Variants in BPTF observed in about 807,000 individuals in gnomAD.
The protein encoded by BPTF is bromodomain PHD finger transcription factor, also known as nucleosome-remodeling factor subunit BPTF.
Under a neutral mutation model 292.5 loss-of-function variants are expected in BPTF, and 18 were observed. That is an observed-to-expected ratio of 0.06 (90% CI 0.04 to 0.09). BPTF has a LOEUF of 0.09. BPTF is among the 10% of genes least tolerant of loss of function. BPTF has a pLI of 1.00. For synonymous variants in BPTF, 1,225 were observed against 1,251.9 expected (o/e 0.98, Z 0.45); for missense variants, 2,726 against 3,498.7 (o/e 0.78, Z 5.57).
Position 67,982,975 on chromosome 17 carries a change from T to TG in BPTF, c.*688dup, listed in dbSNP as rs2070581111. ...AGTGGTCCTGGACTACAGACTCTGT[T>TG]GCCTTGAATATAACAGTACAATTTG... On this transcript the variant is annotated 3_prime_UTR_variant, in exon 28 of 28. Transcript: ENST00000306378. 6.6e-6 allele frequency: 1 copy of TG among 152,288 alleles called. No homozygotes were observed. Among genetic ancestry groups the TG allele is most frequent in the Admixed American group, 6.5e-5 (1 of 15,276 alleles). 9.4% of individuals were successfully genotyped at this position (152,288 alleles called of 1,614,324 possible).
intron 19 of BPTF, 72 bp downstream of exon 19, chr17:67,940,728 A>G: frequency 6.8e-7 from 1 of 1,474,478 alleles, no homozygotes; most frequent in Non-Finnish European, 9.3e-7. Flanking sequence ...TAAAAACATG[A>G]ACTTATTTTG....
intron 21 of BPTF, 150 bp downstream of exon 21, chr17:67,946,475 TACTG>T: frequency 8.4e-7 from 1 of 1,193,316 alleles, no homozygotes; most frequent in Non-Finnish European, 1.1e-6. Context: ...CCAAAAAAAA[TACTG>T]AATGACTACT....
chr17:67,857,782 CTT>C (rs35999365), intron 2 of BPTF, among the ~76,000 whole-genome samples: 3,682 of 103,368 alleles, frequency 0.036, 126 homozygotes, highest in African/African-American at 0.13. Flanking sequence ...ATATTTCTTT[CTT>C]TTTTTTTTTT....
chr17:67,979,334 G>C (rs531677359), intron 27 of BPTF, among the ~76,000 whole-genome samples: 1 of 152,094 alleles, frequency 6.6e-6, no homozygotes, highest in Middle Eastern at 3.4e-3. Context: ...GATCATCTGA[G>C]ATCAGGAGTC....
chr17:67,875,132 A>G, intron 4 of BPTF, 112 bp downstream of exon 4: 2 of 889,216 alleles, frequency 2.2e-6, no homozygotes, highest in Non-Finnish European at 3.4e-6. Context: ...CTAATTTAAT[A>G]TTTCTAAAGA....
Position 67,971,842 on chromosome 17 carries a change from AAAG to A in BPTF, c.8540-3928_8540-3926del, listed in dbSNP as rs199776734. Among the ~76,000 whole-genome samples the A allele has an allele frequency of 3.1e-3, 476 of 151,958 alleles. 1 individual carries two copies. Among genetic ancestry groups the A allele is most frequent in the African/African-American group, 0.011 (447 of 41,412 alleles). On this transcript the variant is annotated intron_variant, in intron 26 of 27. Transcript: ENST00000306378. ...GACTCCATCTCAAAAAAAAAAAAAA[AAAG>A]AGAAGAAAAAAATTACACGTTAGCA... is the stretch of plus-strand genomic sequence containing the variant.
chr17:67,887,444 ATCTTTT>A (rs1361242588), intron 4 of BPTF, among the ~76,000 whole-genome samples: 10 of 152,228 alleles, frequency 6.6e-5, no homozygotes, highest in Admixed American at 3.9e-4. Context: ...AAATTTATCA[ATCTTTT>A]TCTTTAGAGT....
At chr17:67,969,652 C>T (rs2148496620) in intron 26 of BPTF, among the ~76,000 whole-genome samples, 1 of 151,922 alleles carries the variant, frequency 6.6e-6, no homozygotes, top group South Asian at 2.1e-4. Flanking sequence ...TTCTTGAAGA[C>T]CTGGTTTTCC....
Position 67,920,028 on chromosome 17 carries a change from T to C in BPTF, c.5442T>C (p.Thr1814=). 2 of 1,610,378 alleles carry C rather than the reference T, an allele frequency of 1.2e-6. No individual in the cohort carries two copies. The highest frequency in any genetic ancestry group is 1.7e-6 in the Non-Finnish European group (2 of 1,178,106). ...GGTTRTETSE[T]EITTTEIIKR... ...AAATCACCATAGAAACATCCGAAAC[T>C]GAAATCACAACAACAGAAATAATTA... The change falls in exon 13 of 28, where the codon ACT becomes ACC. Residue 1814 remains threonine, a synonymous_variant. Transcript: ENST00000306378.
At chr17:67,908,491 C>CTTTTTTTT (rs34537462) in intron 9 of BPTF, among the ~76,000 whole-genome samples, 1 of 97,580 alleles carries the variant, frequency 1.0e-5, no homozygotes, top group Non-Finnish European at 2.2e-5. Context: ...TCACTGACCA[C>CTTTTTTTT]TTTTTTTTTT....
intron 20 of BPTF, 38 bp from the exon 21 acceptor site, chr17:67,945,371 C>A: frequency 6.4e-7 from 1 of 1,570,876 alleles, no homozygotes; most frequent in Non-Finnish European, 8.6e-7. Context: ...GTTTTATGTT[C>A]CAGAGTAATA....
At chr17:67,978,342 A>G (rs2069828767) in intron 27 of BPTF, among the ~76,000 whole-genome samples, 1 of 148,330 alleles carries the variant, frequency 6.7e-6, no homozygotes, top group African/African-American at 2.5e-5. Context: ...TCTGTTGCCC[A>G]GGCTGGAGTT....
intron 1 of BPTF, among the ~76,000 whole-genome samples, chr17:67,851,600 T>G (rs2058412213): frequency 6.6e-6 from 1 of 152,236 alleles, no homozygotes; most frequent in Non-Finnish European, 1.5e-5. Context: ...AATAGTGTTT[T>G]ATAGAGCTTT....
intron 1 of BPTF, among the ~76,000 whole-genome samples, chr17:67,840,937 C>CATAT (rs2057506130): frequency 6.6e-6 from 1 of 152,172 alleles, no homozygotes; most frequent in Admixed American, 6.5e-5. Context: ...GTGTGATGTA[C>CATAT]ATATATTTTC....
intron 1 of BPTF, among the ~76,000 whole-genome samples, chr17:67,839,064 A>C (rs921629650): frequency 6.6e-6 from 1 of 152,088 alleles, no homozygotes; most frequent in East Asian, 1.9e-4. Context: ...TGATTTTCTT[A>C]CATTTGTATC....
chr17:67,833,437 C>T (rs544984804), intron 1 of BPTF, among the ~76,000 whole-genome samples: 11 of 152,040 alleles, frequency 7.2e-5, no homozygotes, highest in Non-Finnish European at 1.5e-4. Flanking sequence ...TGAACTGTTT[C>T]CACTTTTTGG....
At chr17:67,902,964 A>G (rs1318404601) in intron 7 of BPTF, among the ~76,000 whole-genome samples, 6 of 152,334 alleles carry the variant, frequency 3.9e-5, no homozygotes, top group South Asian at 2.1e-4. Context: ...ATTCTGATTC[A>G]TAAAAATCTA....
At position 67,947,715 on chromosome 17, in the gene BPTF, C is replaced by G; in HGVS notation, c.7618-11C>G. The G allele has an allele frequency of 6.5e-7, 1 of 1,549,730 alleles. No individual in the cohort carries two copies. On this transcript the variant is annotated splice_polypyrimidine_tract_variant and intron_variant, in intron 21 of 27. Transcript: ENST00000306378. ...TAAAATATGCGCTTTTGGATTTATT[C>G]TGTCCTGAAGGTGGTGATGAAGCAT...
Position 67,928,408 on chromosome 17 carries a change from A to G in BPTF, c.5805A>G (p.Pro1935=), listed in dbSNP as rs73338705. The G allele has an allele frequency of 4.3e-3, 6,881 of 1,614,014 alleles. 251 individuals carry two copies. In the African/African-American group the frequency reaches 0.08, roughly 19 times the overall value. ...TGATTGCAACTTCCACTACTTCCCC[A>G]ACAAGCAGTACAACCAGCACCATCT... ...PTVIATSTTS[P]TSSTTSTISP... is the part of the protein sequence containing the mutation. Residue 1935 remains proline, a synonymous_variant, in exon 16 of 28, where the codon CCA becomes CCG. Transcript: ENST00000306378.
Sources: gnomAD v4.1 joint callset for allele counts (sites outside exome capture counted in the v4.1 genomes callset) on GRCh38, gnomAD v4.1.1 for gene constraint, MANE v1.5 for transcripts, NCBI Gene and HGNC (gene_info 2026-07-23, HGNC 2026-07-21) for gene names.